Variants in ATF6 observed in about 807,000 individuals in gnomAD.
The protein encoded by ATF6 is activating transcription factor 6.
In ATF6, 53 loss-of-function variants were observed where a neutral mutation model predicts 83.6. The observed-to-expected ratio is 0.63, with a 90% CI of 0.51 to 0.80. The LOEUF (loss-of-function observed/expected upper bound fraction) is 0.80, where lower values mean the gene tolerates loss of function less well. Ranked by LOEUF, ATF6 falls within the 30% of genes least tolerant of loss-of-function variation. ATF6 has a pLI of 0.00. For missense variants in ATF6, 744 were observed against 797.9 expected (o/e 0.93, Z 0.81); for synonymous variants, 288 against 285.8 (o/e 1.01, Z -0.08).
intron 7 of ATF6, among the ~76,000 whole-genome samples, chr1:161,811,160 T>G (rs1385608233): frequency 1.3e-5 from 2 of 152,218 alleles, no homozygotes; most frequent in African/African-American, 4.8e-5. Flanking sequence ...CAACCATCAA[T>G]GGACAATATA....
At chr1:161,825,275 C>T (rs1685865122) in intron 9 of ATF6, among the ~76,000 whole-genome samples, 1 of 152,120 alleles carries the variant, frequency 6.6e-6, no homozygotes, top group African/African-American at 2.4e-5. Context: ...CTCCTAAGTT[C>T]AAATGATTCT....
chr1:161,928,285 G>T (rs949599224), intron 15 of ATF6, among the ~76,000 whole-genome samples: 1 of 152,142 alleles, frequency 6.6e-6, no homozygotes, highest in African/African-American at 2.4e-5. Flanking sequence ...AACTAAATAC[G>T]AGTTTATGTT....
At chr1:161,802,311 T>A in intron 7 of ATF6, 39 bp downstream of exon 7, 1 of 1,569,696 alleles carries the variant, frequency 6.4e-7, no homozygotes, top group Non-Finnish European at 8.7e-7. Flanking sequence ...AATGCCTGAT[T>A]TAAAAACCAA....
intron 15 of ATF6, among the ~76,000 whole-genome samples, chr1:161,917,982 A>G (rs562969153): frequency 2.0e-5 from 3 of 152,320 alleles, no homozygotes; most frequent in African/African-American, 7.2e-5. Flanking sequence ...ATTTACATAC[A>G]TTGTATAAAA....
chr1:161,951,669 A>G (rs917642504), intron 15 of ATF6, among the ~76,000 whole-genome samples: 1 of 152,194 alleles, frequency 6.6e-6, no homozygotes, highest in Non-Finnish European at 1.5e-5. Context: ...AACAGATATG[A>G]TTTGGGAGTG....
chr1:161,771,953 C>G (rs1239430757), intron 1 of ATF6, among the ~76,000 whole-genome samples: 1 of 152,224 alleles, frequency 6.6e-6, no homozygotes, highest in East Asian at 1.9e-4. Context: ...TACCCAGTCT[C>G]AGCCATTTGC....
chr1:161,794,347 C>G (rs1384874994), intron 6 of ATF6, among the ~76,000 whole-genome samples: 1 of 152,132 alleles, frequency 6.6e-6, no homozygotes, highest in Non-Finnish European at 1.5e-5. Context: ...CATGTTAATA[C>G]TAGTAGTAAA....
chr1:161,914,700 T>C (rs1688057520), intron 15 of ATF6, among the ~76,000 whole-genome samples: 1 of 152,212 alleles, frequency 6.6e-6, no homozygotes, highest in African/African-American at 2.4e-5. Flanking sequence ...AAGTCTACAG[T>C]CCTTTGACCC....
intron 14 of ATF6, among the ~76,000 whole-genome samples, chr1:161,886,193 A>G (rs1160258797): frequency 6.6e-6 from 1 of 152,154 alleles, no homozygotes; most frequent in Non-Finnish European, 1.5e-5. Context: ...GAATTGTTGG[A>G]ATGTAGTCAG....
At chr1:161,889,583 T>C (rs1267310344) in intron 14 of ATF6, among the ~76,000 whole-genome samples, 1 of 152,240 alleles carries the variant, frequency 6.6e-6, no homozygotes, top group Non-Finnish European at 1.5e-5. Context: ...AGACGTGTAT[T>C]GAGCACCTGC....
chr1:161,811,669 CCCATCCATCCATCCATCCACTAT>C (rs1382066638), intron 7 of ATF6, among the ~76,000 whole-genome samples: 6 of 151,800 alleles, frequency 4.0e-5, no homozygotes, highest in Admixed American at 6.6e-5. Flanking sequence ...TACCTACCTA[CCCATCCATCCATCCATCCACTAT>C]CCATCCATCC....
intron 15 of ATF6, among the ~76,000 whole-genome samples, chr1:161,937,276 G>T (rs10918227): frequency 6.7e-6 from 1 of 149,762 alleles, no homozygotes; most frequent in Admixed American, 6.7e-5. Context: ...CCCAGGCAGC[G>T]GAGGTTGCAG....
chr1:161,892,259 C>T (rs1302763578), intron 14 of ATF6: 2 of 152,128 alleles, frequency 1.3e-5, no homozygotes, highest in South Asian at 2.1e-4. Context: ...TGATAATTTC[C>T]TACTTCAGGT....
At chr1:161,938,939 T>A (rs973970773) in intron 15 of ATF6, among the ~76,000 whole-genome samples, 7 of 152,208 alleles carry the variant, frequency 4.6e-5, no homozygotes, top group African/African-American at 1.7e-4. Context: ...AGCTCACTTT[T>A]CTGTGATCCT....
At chr1:161,853,157 A>G (rs1571190832) in intron 11 of ATF6, 67 bp from the exon 12 acceptor site, 1 of 1,114,908 alleles carries the variant, frequency 9.0e-7, no homozygotes, top group East Asian at 2.6e-5. Flanking sequence ...TTCCACCCAC[A>G]GGGTGAAACA....
At chr1:161,882,977 CA>C (rs1687350416) in intron 14 of ATF6, among the ~76,000 whole-genome samples, 1 of 151,838 alleles carries the variant, frequency 6.6e-6, no homozygotes, top group Admixed American at 6.6e-5. Context: ...AAGGATATGA[CA>C]AGGGGAGAGG....
chr1:161,880,900 G>A (rs1336936626), intron 14 of ATF6, among the ~76,000 whole-genome samples: 1 of 152,054 alleles, frequency 6.6e-6, no homozygotes, highest in Admixed American at 6.6e-5. Context: ...CATATCCTTG[G>A]CAACACTTGA....
intron 7 of ATF6, among the ~76,000 whole-genome samples, chr1:161,805,810 CAAA>C (rs35124741): frequency 2.8e-5 from 4 of 144,220 alleles, no homozygotes; most frequent in African/African-American, 1.0e-4. Flanking sequence ...TGTAATCCAC[CAAA>C]AAAAAAAAAA....
At chr1:161,825,988 CT>C (rs1165526923) in intron 9 of ATF6, among the ~76,000 whole-genome samples, 2 of 152,304 alleles carry the variant, frequency 1.3e-5, no homozygotes, top group African/African-American at 2.4e-5. Flanking sequence ...TTCTTACCCC[CT>C]ATCACTCAGG....
Sources: allele counts gnomAD v4.1 joint callset (sites outside exome capture counted in the v4.1 genomes callset), GRCh38; gene constraint gnomAD v4.1.1; transcripts MANE v1.5; gene names NCBI Gene and HGNC (gene_info 2026-07-23, HGNC 2026-07-21).